TAF11: variants seen among roughly 807,000 people sequenced by gnomAD.
TAF11 encodes the protein transcription initiation factor TFIID subunit 11.
Under a neutral mutation model 23.0 loss-of-function variants are expected in TAF11, and 10 were observed. The observed-to-expected ratio is 0.43, with a 90% CI of 0.27 to 0.74. The LOEUF (loss-of-function observed/expected upper bound fraction) is 0.74. TAF11 is among the 30% of genes least tolerant of loss of function. The probability of loss-of-function intolerance (pLI) is 0.19; values close to 1 mark genes in which losing one functional copy is unlikely to be tolerated. For synonymous variants in TAF11, 85 were observed against 95.8 expected (o/e 0.89, Z 0.66); for missense variants, 196 against 261.7 (o/e 0.75, Z 1.73).
chr6:34,883,616 T>C (rs1766483688), intron 1 of TAF11, among the ~76,000 whole-genome samples: 1 of 152,256 alleles, frequency 6.6e-6, no homozygotes, highest in Non-Finnish European at 1.5e-5. Flanking sequence ...TCCTACTGTT[T>C]CATGCAAATG....
rs1766464280 is a variant in TAF11, at chr6:34,882,857, C to T, written c.320+75G>A. On this transcript the variant is annotated intron_variant, in intron 2 of 4. Transcript: ENST00000361288. ...TTGAGTTTATAAAAGAAAATTTAAA[C>T]ACCAAGAAAAATTTATTAAATTTGT... The T allele has an allele frequency of 1.3e-5, 19 of 1,479,496 alleles. No individual in the cohort carries two copies. The South Asian group carries it at 2.8e-4, about 22-fold the overall frequency. The allele number at this position is 1,479,496 out of a possible 1,614,324, so 91.6% of individuals were successfully genotyped here.
Position 34,887,936 on chromosome 6 carries a change from G to A in TAF11, c.22C>T (p.Pro8Ser). 6.2e-7 allele frequency: 1 copy of A among 1,614,150 alleles called. No homozygotes were observed. The highest frequency in any genetic ancestry group is 8.5e-7 in the Non-Finnish European group (1 of 1,180,028). Residue 8 changes from proline (P) to serine (S), a missense_variant, in exon 1 of 5, where the codon CCC (proline) becomes TCC (serine). Coordinates refer to ENST00000361288, the MANE Select transcript of TAF11 (RefSeq NM_005643.4). Reference protein sequence around the residue: MDDAHESPSDKGGETGES... With the variant: MDDAHESSSDKGGETGES... ...CCTGTCTCTCCACCTTTGTCGGAGG[G>A]CGACTCGTGGGCATCGTCCATCACG...
In TAF11 at chr6:34,878,674, G is replaced by A. The variant is rs1481955315; in HGVS notation, c.552C>T (p.Pro184=). ...TTCTAACGGCTTCCCTCATATGTTT[G>A]GGTTGTAGTGGTGGCATTTCTCCCC... ...EKWGEMPPLQ[P]KHMREAVRRL... is the part of the protein sequence containing the mutation. The change falls in exon 5 of 5, where the codon CCC becomes CCT. Residue 184 remains proline (P), a synonymous_variant. Coordinates refer to ENST00000361288, the MANE Select transcript of TAF11 (RefSeq NM_005643.4). 1.2e-6 allele frequency: 2 copies of A among 1,614,088 alleles called. No homozygotes were observed. Among genetic ancestry groups the A allele is most frequent in the Admixed American group, 1.7e-5 (1 of 60,018 alleles).
rs376893673 is a variant in TAF11 at position 34,879,995 on chromosome 6, C to T, written c.477G>A (p.Lys159=). ...CTTCTACCACCTCCCCGACGAAAAC[C>T]TTGGAAATACCAGACATAGCAATAA... ...NVVIAMSGIS[K]VFVGEVVEEA... Residue 159 remains lysine, a synonymous_variant, in exon 4 of 5, where the codon AAG becomes AAA. Transcript: ENST00000361288. The T allele has an allele frequency of 4.0e-4, 642 of 1,614,114 alleles. 9 individuals carry two copies. The South Asian group carries it at 6.6e-3, about 17-fold the overall frequency.
chr6:34,887,088 G>A (rs1271279043), intron 1 of TAF11, among the ~76,000 whole-genome samples: 1 of 152,020 alleles, frequency 6.6e-6, no homozygotes, highest in Non-Finnish European at 1.5e-5. Context: ...CGGATCACGA[G>A]GTCAGGAGTT....
intron 4 of TAF11, chr6:34,879,450 G>C (rs1191292199): frequency 1.0e-6 from 1 of 959,736 alleles, no homozygotes; most frequent in Non-Finnish European, 1.2e-6. Context: ...CTCCAGCCTG[G>C]GTGACAGAGT....
Position 34,883,050 on chromosome 6 carries a change from T to A in TAF11, c.202A>T (p.Thr68Ser), listed in dbSNP as rs1766471206. ...LESQDVSDLT[T>S]VEREDSSLLN... The stretch of plus-strand genomic sequence containing the variant: ...AATGATGAGTCTTCCCTTTCAACTG[T>A]TGTTAAATCTGAGACATCCTGACTC... Residue 68 changes from threonine to serine, a missense_variant, in exon 2 of 5, where the codon ACA becomes TCA. Physicochemically the swap from Thr to Ser is moderately conservative, Grantham distance 58. Transcript: ENST00000361288. 6.2e-7 allele frequency: 1 copy of A among 1,610,206 alleles called. No homozygotes were observed. Among genetic ancestry groups the A allele is most frequent in the African/African-American group, 1.3e-5 (1 of 74,810 alleles).
In TAF11 at chr6:34,878,334, G is replaced by T. The variant is rs1483694546; in HGVS notation, c.*256C>A. The stretch of plus-strand genomic sequence containing the variant: ...TGTCCAGAAGATGCTTATGGCCCAC[G>T]TATCTTCTTCCAACTGGTCAAGACA... On this transcript the variant is annotated 3_prime_UTR_variant, in exon 5 of 5. Coordinates refer to ENST00000361288, the MANE Select transcript of TAF11 (RefSeq NM_005643.4). 4.7e-6 allele frequency: 2 copies of T among 423,820 alleles called. No homozygotes were observed. Among genetic ancestry groups the T allele is most frequent in the Non-Finnish European group, 8.5e-6 (2 of 234,168 alleles). The allele number at this position is 423,820 out of a possible 1,614,324, so 26.3% of individuals were successfully genotyped here.
chr6:34,884,063 G>A (rs1203722543), intron 1 of TAF11, among the ~76,000 whole-genome samples: 1 of 152,006 alleles, frequency 6.6e-6, no homozygotes, highest in African/African-American at 2.4e-5. Flanking sequence ...CCCATTACTG[G>A]GTATATACCC....
chr6:34,880,720 C>G lies in TAF11; in HGVS notation c.321-344G>C, dbSNP rs1483030203. Among the ~76,000 whole-genome samples the G allele has an allele frequency of 6.6e-6, 1 of 152,066 alleles. No individual in the cohort carries two copies. The highest frequency in any genetic ancestry group is 1.9e-4 in the East Asian group (1 of 5,200). ...TTAATATACAAATTTATAATCAAAC[C>G]AGTAGTTTTCAACATTAACAGATTT... On this transcript the variant is annotated intron_variant, in intron 2 of 4. Coordinates refer to ENST00000361288, the MANE Select transcript of TAF11 (RefSeq NM_005643.4). The surrounding 1 kb of genome is among the most constrained non-coding windows in gnomAD (Gnocchi z 4.8).
chr6:34,882,366 G>A (rs9462032), intron 2 of TAF11, among the ~76,000 whole-genome samples: 15,525 of 144,442 alleles, frequency 0.11, 1,749 homozygotes, highest in African/African-American at 0.29. Flanking sequence ...AATAGAGGCC[G>A]GGCACAGTGG....
chr6:34,878,424 A>G lies in TAF11; in HGVS notation c.*166T>C, dbSNP rs1005364863. 1.3e-5 allele frequency: 8 copies of G among 619,700 alleles called. No individual in the cohort carries two copies. The highest frequency in any genetic ancestry group is 9.2e-5 in the African/African-American group (5 of 54,604). The allele number at this position is 619,700 out of a possible 1,614,324, so 38.4% of individuals were successfully genotyped here. A position where few individuals can be genotyped will look rare whatever the true frequency, so the allele number is the denominator to read the frequency against. ...AGTCAAGGCAAGTATCAATCAGGCT[A>G]CATACTTTCTAGGTGTGACAAATAT... is the stretch of plus-strand genomic sequence containing the variant. On this transcript the variant is annotated 3_prime_UTR_variant, in exon 5 of 5. Coordinates refer to ENST00000361288, the MANE Select transcript of TAF11 (RefSeq NM_005643.4).
At position 34,880,057 on chromosome 6, in the gene TAF11, G is replaced by A. The variant is rs1766393712; in HGVS notation, c.415C>T (p.Gln139Ter). 6.2e-7 allele frequency: 1 copy of A among 1,613,848 alleles called. No homozygotes were observed. Among genetic ancestry groups the A allele is most frequent in the African/African-American group, 1.3e-5 (1 of 74,932 alleles). Residue 139 changes from glutamine to a stop codon, truncating the protein, a stop_gained, in exon 4 of 5, where the codon CAG becomes TAG. Coordinates refer to ENST00000361288, the MANE Select transcript of TAF11 (RefSeq NM_005643.4). LOFTEE classifies it high-confidence loss of function. This position sits in a 1 kb window ranked among gnomAD's most constrained non-coding sequence, Gnocchi z 4.8. ...FPKAAIKRLI[Q>*]SITGTSVSQN... The stretch of plus-strand genomic sequence containing the variant: ...GACACAGAGGTGCCAGTGATGGACT[G>A]GATCAGCTTGAAAGAAGCACAAAGA...
chr6:34,881,858 G>A (rs554109066), intron 2 of TAF11, among the ~76,000 whole-genome samples: 72 of 151,392 alleles, frequency 4.8e-4, no homozygotes, highest in Non-Finnish European at 9.1e-4. Flanking sequence ...CACGACACCT[G>A]GCTAATTTTT....
At chr6:34,886,236 C>CA (rs1464806627) in intron 1 of TAF11, among the ~76,000 whole-genome samples, 1 of 151,922 alleles carries the variant, frequency 6.6e-6, no homozygotes, top group African/African-American at 2.4e-5. Context: ...GCCCAGGAGG[C>CA]AGAGACTGTG....
In TAF11 at chr6:34,879,899, T is replaced by C; in HGVS notation, c.505+68A>G. ...CCATAGGTGCTTTAATAAGCTCCTT[T>C]GTGTAGATATTCTTAAAAATAAGAC... On this transcript the variant is annotated intron_variant, in intron 4 of 4. Coordinates refer to ENST00000361288, the MANE Select transcript of TAF11 (RefSeq NM_005643.4). The C allele has an allele frequency of 1.0e-5, 16 of 1,560,430 alleles. No individual in the cohort carries two copies. The South Asian group carries it at 1.8e-4, about 17-fold the overall frequency.
chr6:34,883,271 G>A (rs1766475639), intron 1 of TAF11, 191 bp from the exon 2 acceptor site: 2 of 509,976 alleles, frequency 3.9e-6, no homozygotes, highest in Non-Finnish European at 6.6e-6. Context: ...CTCAGCTATG[G>A]AAAGAAAACC....
intron 1 of TAF11, among the ~76,000 whole-genome samples, chr6:34,885,194 G>A (rs1766507488): frequency 6.6e-6 from 1 of 151,964 alleles, no homozygotes; most frequent in Non-Finnish European, 1.5e-5. Context: ...CAGCCTGCCA[G>A]GTAGCTAGAT....
intron 1 of TAF11, among the ~76,000 whole-genome samples, chr6:34,883,801 A>G (rs1766487103): frequency 1.3e-5 from 2 of 152,228 alleles, no homozygotes; most frequent in African/African-American, 4.8e-5. Flanking sequence ...CCTGTGGCCA[A>G]CAATCATGTG....
Sources: gnomAD v4.1 joint callset for allele counts (sites outside exome capture counted in the v4.1 genomes callset) on GRCh38, gnomAD v4.1.1 for gene constraint, Gnocchi (gnomAD v3.1) non-coding constraint, MANE v1.5 for transcripts, NCBI Gene and HGNC (gene_info 2026-07-23, HGNC 2026-07-21) for gene names.